The following ZNF536 variants were observed in gnomAD, a reference collection of about 807,000 sequenced individuals.
ZNF536 encodes the protein zinc finger protein 536.
A neutral mutation model predicts 84.5 loss-of-function variants in ZNF536; 13 were observed. That is an observed-to-expected ratio of 0.15 (90% CI 0.10 to 0.24). The LOEUF (loss-of-function observed/expected upper bound fraction) is 0.24. ZNF536 is among the 10% of genes least tolerant of loss of function. ZNF536 has a pLI of 1.00. For synonymous variants in ZNF536, 811 were observed against 742.5 expected, an observed-to-expected ratio of 1.09 and a Z score of -1.50; for missense variants, 1,536 against 1,747.5, an observed-to-expected ratio of 0.88 and a Z score of 2.16.
chr19:30,573,945 G>A (rs1160584175), intron 1 of ZNF536, among the ~76,000 whole-genome samples: 2 of 152,224 alleles, frequency 1.3e-5, no homozygotes, highest in Non-Finnish European at 2.9e-5. Flanking sequence ...CTATTGCCAG[G>A]ACGGGCAGCT....
At chr19:30,461,137 C>T (rs2053115918) in intron 2 of ZNF536, among the ~76,000 whole-genome samples, 2 of 152,268 alleles carry the variant, frequency 1.3e-5, no homozygotes, top group South Asian at 4.1e-4. Context: ...CACTGGGAAT[C>T]TGCCCTCCCA....
At chr19:30,627,208 A>G (rs1342124987) in intron 1 of ZNF536, among the ~76,000 whole-genome samples, 1 of 152,052 alleles carries the variant, frequency 6.6e-6, no homozygotes, top group Non-Finnish European at 1.5e-5. Flanking sequence ...GCTCACGCCT[A>G]TCATCCCAAC....
rs1012795702 is a variant in ZNF536, at chr19:30,290,161, G to A, written c.-120+6020G>A. Among the ~76,000 whole-genome samples the A allele has an allele frequency of 5.9e-5, 9 of 152,236 alleles. No homozygotes were observed. In the South Asian group the frequency reaches 1.0e-3, roughly 18 times the overall value. On this transcript the variant is annotated intron_variant, in intron 2 of 5. Transcript: ENST00000585628. ...TATGACTGGCTTATTTTGTTTAGTC[G>A]AATGTCCTCAAGGTTCATCCATATT...
intron 2 of ZNF536, among the ~76,000 whole-genome samples, chr19:30,324,876 C>T (rs1476969013): frequency 6.6e-6 from 1 of 152,220 alleles, no homozygotes; most frequent in Middle Eastern, 3.2e-3. Context: ...TTCCTGAAGA[C>T]TGCTGAGCTG....
chr19:30,339,155 C>G (rs866531911), intron 2 of ZNF536, among the ~76,000 whole-genome samples: 2 of 152,224 alleles, frequency 1.3e-5, no homozygotes, highest in Middle Eastern at 3.2e-3. Flanking sequence ...ATGCCTCCCC[C>G]ATGTTCTGGA....
intron 1 of ZNF536, among the ~76,000 whole-genome samples, chr19:30,608,535 C>T (rs2047976825): frequency 6.6e-6 from 1 of 152,156 alleles, no homozygotes; most frequent in African/African-American, 2.4e-5. Context: ...GAGGTGCCAG[C>T]TCTTTACCCA....
At chr19:30,446,173 C>T (rs558751141) in intron 2 of ZNF536, among the ~76,000 whole-genome samples, 4 of 125,176 alleles carry the variant, frequency 3.2e-5, no homozygotes, top group Non-Finnish European at 4.7e-5. Flanking sequence ...CGCTTGAGCC[C>T]GGGAGGGGGA....
At chr19:30,532,189 G>A (rs1309361146) in intron 2 of ZNF536, among the ~76,000 whole-genome samples, 1 of 151,900 alleles carries the variant, frequency 6.6e-6, no homozygotes, top group Non-Finnish European at 1.5e-5. Context: ...GAGTATGGTG[G>A]TGCGATCTCA....
At chr19:30,334,424 G>A (rs935749297) in intron 2 of ZNF536, among the ~76,000 whole-genome samples, 1 of 152,176 alleles carries the variant, frequency 6.6e-6, no homozygotes, top group Non-Finnish European at 1.5e-5. Flanking sequence ...TTAACCTCCT[G>A]CTTCTCAGAC....
intron 1 of ZNF536, among the ~76,000 whole-genome samples, chr19:30,649,828 C>T (rs181688158): frequency 6.6e-6 from 1 of 152,112 alleles, no homozygotes; most frequent in African/African-American, 2.4e-5. Context: ...TTTGATTTGC[C>T]TATCCTGTCT....
chr19:30,310,319 G>C (rs1226644064), intron 2 of ZNF536, among the ~76,000 whole-genome samples: 1 of 152,100 alleles, frequency 6.6e-6, no homozygotes, highest in East Asian at 1.9e-4. Flanking sequence ...CTTAAACAGG[G>C]GTTGTTTTTC....
At chr19:30,657,010 G>C (rs1467827147) in intron 1 of ZNF536, among the ~76,000 whole-genome samples, 1 of 152,196 alleles carries the variant, frequency 6.6e-6, no homozygotes, top group Admixed American at 6.5e-5. Context: ...AGGGACACTA[G>C]AAAGAATCAG....
intron 2 of ZNF536, among the ~76,000 whole-genome samples, chr19:30,310,064 T>C (rs1470528069): frequency 2.0e-5 from 3 of 152,186 alleles, no homozygotes; most frequent in Non-Finnish European, 2.9e-5. Flanking sequence ...TCCTTCTCCA[T>C]AGGTCTCTCC....
At chr19:30,516,420 A>G (rs2044075442) in intron 2 of ZNF536, among the ~76,000 whole-genome samples, 1 of 152,352 alleles carries the variant, frequency 6.6e-6, no homozygotes, top group East Asian at 1.9e-4. Context: ...GAAAAGGACA[A>G]CGTTCAAGCC....
At chr19:30,626,621 A>G (rs2147192080) in intron 1 of ZNF536, among the ~76,000 whole-genome samples, 1 of 152,190 alleles carries the variant, frequency 6.6e-6, no homozygotes, top group East Asian at 1.9e-4. Context: ...CCCCACTTGG[A>G]GGCTCAGGAA....
chr19:30,696,013 A>T (rs543959079), intron 1 of ZNF536, among the ~76,000 whole-genome samples: 13 of 152,184 alleles, frequency 8.5e-5, no homozygotes, highest in Non-Finnish European at 1.6e-4. Flanking sequence ...GCCATCTCTG[A>T]GTGTCACCCT....
intron 1 of ZNF536, among the ~76,000 whole-genome samples, chr19:30,569,696 C>T (rs1446084360): frequency 6.6e-6 from 1 of 150,802 alleles, no homozygotes; most frequent in Non-Finnish European, 1.5e-5. Flanking sequence ...TCCGCCTCTG[C>T]AGTAGCTGGG....
chr19:30,628,578 G>A (rs1439971605), intron 1 of ZNF536, among the ~76,000 whole-genome samples: 9 of 151,976 alleles, frequency 5.9e-5, no homozygotes, highest in Admixed American at 2.6e-4. Flanking sequence ...ACAGGTACCC[G>A]CCACCACGCC....
At chr19:30,402,952 C>T (rs2050115272) in intron 1 of ZNF536, among the ~76,000 whole-genome samples, 1 of 151,828 alleles carries the variant, frequency 6.6e-6, no homozygotes, top group Non-Finnish European at 1.5e-5. Context: ...AACCCAAAGC[C>T]TGACATGACA....
Sources: allele counts gnomAD v4.1 joint callset (sites outside exome capture counted in the v4.1 genomes callset), GRCh38; gene constraint gnomAD v4.1.1; transcripts MANE v1.5; gene names NCBI Gene and HGNC (gene_info 2026-07-23, HGNC 2026-07-21).